The following FKBP8 variants were observed in gnomAD, a reference collection of about 807,000 sequenced individuals.
FKBP8 encodes the protein peptidyl-prolyl cis-trans isomerase FKBP8.
Under a neutral mutation model 41.7 loss-of-function variants are expected in FKBP8, and 5 were observed. The ratio of observed to expected loss-of-function variants is 0.12; its 90% confidence interval spans 0.06 to 0.25. FKBP8 has a LOEUF of 0.25. Among genes scored for constraint, FKBP8 ranks in the 10% least tolerant of loss-of-function variants. FKBP8 has a pLI of 1.00. For synonymous variants in FKBP8, 279 were observed against 254.5 expected (o/e 1.10, Z -0.92); for missense variants, 397 against 563.0 (o/e 0.71, Z 2.98).
intron 2 of FKBP8, among the ~76,000 whole-genome samples, chr19:18,541,001 AATG>A (rs1234543487): frequency 1.3e-5 from 2 of 152,204 alleles, no homozygotes; most frequent in African/African-American, 4.8e-5. Flanking sequence ...TGATAGTGGT[AATG>A]ATATCTTATT....
At chr19:18,532,637 C>T (rs1195013381) in intron 8 of FKBP8, 27 bp downstream of exon 8, 1 of 1,611,964 alleles carries the variant, frequency 6.2e-7, no homozygotes. Context: ...TGCACACAGC[C>T]CCTGCCCATT....
At chr19:18,532,292 A>G in intron 8 of FKBP8, 37 bp from the exon 9 acceptor site, 1 of 1,556,668 alleles carries the variant, frequency 6.4e-7, no homozygotes, top group Non-Finnish European at 8.7e-7. Context: ...GGGTGGAGGG[A>G]GGTCAAGACT....
In FKBP8 at chr19:18,537,430, ATTG is replaced by A. The variant is rs899184707; in HGVS notation, c.945+168_945+170del. 1.1e-4 allele frequency among the ~76,000 whole-genome samples: 17 copies of A among 152,180 alleles called. No homozygotes were observed. Among genetic ancestry groups the A allele is most frequent in the Admixed American group, 9.2e-4 (14 of 15,274 alleles). ...ATCAAATTCTGGCCTCAGCCAATGA[ATTG>A]TTGTGACCAGGCCACACTCCTGCAC... On this transcript the variant is annotated intron_variant, in intron 6 of 8. Transcript: ENST00000608443. The surrounding 1 kb of genome is among the most constrained non-coding windows in gnomAD (Gnocchi z 4.4).
chr19:18,541,612 G>A, intron 2 of FKBP8, 67 bp downstream of exon 2: 1 of 1,541,918 alleles, frequency 6.5e-7, no homozygotes, highest in South Asian at 1.3e-5. Context: ...AGCACAGATG[G>A]GGAAATGAGG....
rs1029266225 is a variant in FKBP8 at position 18,532,086 on chromosome 19, G to A, written c.*83C>T. On this transcript the variant is annotated 3_prime_UTR_variant, in exon 9 of 9. Coordinates refer to ENST00000608443, the MANE Select transcript of FKBP8 (RefSeq NM_012181.5). ...GGAGGAGGGGGCCAGACCAGGGAGG[G>A]CAGTGGACAGGGAGCCTGGGGGAGT... 82 of 1,215,698 alleles carry A rather than the reference G, an allele frequency of 6.7e-5. No individual in the cohort carries two copies. Among genetic ancestry groups the A allele is most frequent in the Non-Finnish European group, 9.6e-5 (81 of 843,704 alleles). The allele number at this position is 1,215,698 out of a possible 1,614,324, so 75.3% of individuals were successfully genotyped here. A position where few individuals can be genotyped will look rare whatever the true frequency, so the allele number is the denominator to read the frequency against.
chr19:18,538,774 A>G lies in FKBP8; in HGVS notation c.552-338T>C, dbSNP rs1351766544. Among the ~76,000 whole-genome samples, 1 of 146,168 alleles carries G rather than the reference A, an allele frequency of 6.8e-6. No homozygotes were observed. The highest frequency in any genetic ancestry group is 2.0e-4 in the East Asian group (1 of 5,000). Reference sequence around the variant, plus strand: ...GTGATCCTCCTGCCTGAGCCTCCTCAGTAGCTGGGACTACAGGTGTGCACC... The same window carrying G: ...GTGATCCTCCTGCCTGAGCCTCCTCGGTAGCTGGGACTACAGGTGTGCACC... On this transcript the variant is annotated intron_variant, in intron 4 of 8. Transcript: ENST00000608443. This position sits in a 1 kb window ranked among gnomAD's most constrained non-coding sequence, Gnocchi z 4.0.
At chr19:18,542,847 G>C in intron 1 of FKBP8, 1 of 1,216,564 alleles carries the variant, frequency 8.2e-7, no homozygotes, top group Non-Finnish European at 1.1e-6. Flanking sequence ...GTGTGGCACA[G>C]CCATCAAACC....
chr19:18,538,281 G>T lies in FKBP8; in HGVS notation c.707C>A (p.Ala236Glu), dbSNP rs763448432. The change falls in exon 5 of 9, where the codon GCG (alanine) becomes GAG (glutamate). Residue 236 changes from alanine to glutamate, a missense_variant. By Grantham distance (107) the Ala-to-Glu change is moderately radical (BLOSUM62 -1). Coordinates refer to ENST00000608443, the MANE Select transcript of FKBP8 (RefSeq NM_012181.5). This position sits in a 1 kb window ranked among gnomAD's most constrained non-coding sequence, Gnocchi z 4.0. ...GGAGTTGGCGGCCAGGACGAAGTCC[G>T]CCCGCTGGTAGTGGGCGTTGCCGCA... The part of the protein sequence containing the change: ...RECGNAHYQR[A>E]DFVLAANSYD... The T allele has an allele frequency of 2.5e-6, 4 of 1,613,314 alleles. No homozygotes were observed. In the Admixed American group the frequency reaches 5.0e-5, roughly 20 times the overall value.
chr19:18,537,996 C>G lies in FKBP8; in HGVS notation c.772+220G>C, dbSNP rs1355030242. ...CATGTGAACTGGCCCTGTCTATGGT[C>G]ACCCCATCCCCATATCCACTTGCAT... is the stretch of plus-strand genomic sequence containing the variant. On this transcript the variant is annotated intron_variant, in intron 5 of 8. Coordinates refer to ENST00000608443, the MANE Select transcript of FKBP8 (RefSeq NM_012181.5). The surrounding 1 kb of genome is among the most constrained non-coding windows in gnomAD (Gnocchi z 4.4). The G allele has an allele frequency of 9.0e-6, 6 of 669,368 alleles. No individual in the cohort carries two copies. The highest frequency in any genetic ancestry group is 3.0e-5 in the Admixed American group (1 of 33,822). 41.5% of individuals were successfully genotyped at this position (669,368 alleles called of 1,614,324 possible).
In FKBP8 at chr19:18,534,041, C is replaced by T. The variant is rs543343053; in HGVS notation, c.946-694G>A. ...AAAAAAAAGGCTGGGCGCGGTGGCT[C>T]ACACCTGTAATCCCAGCACTTTGGG... On this transcript the variant is annotated intron_variant, in intron 6 of 8. Transcript: ENST00000608443. Among the ~76,000 whole-genome samples the T allele has an allele frequency of 2.0e-4, 29 of 147,408 alleles. No homozygotes were observed. The South Asian group carries it at 2.6e-3, about 13-fold the overall frequency.
Position 18,537,098 on chromosome 19 carries a change from G to C in FKBP8, c.945+503C>G, listed in dbSNP as rs1003361387. 6.6e-6 allele frequency among the ~76,000 whole-genome samples: 1 copy of C among 152,098 alleles called. No individual in the cohort carries two copies. The highest frequency in any genetic ancestry group is 1.5e-5 in the Non-Finnish European group (1 of 68,010). ...TCAGGCCTGTAATCTCAGCACATGG[G>C]GAGACTGAGGCGGGCAGATCACTTG... On this transcript the variant is annotated intron_variant, in intron 6 of 8. Transcript: ENST00000608443. This position sits in a 1 kb window ranked among gnomAD's most constrained non-coding sequence, Gnocchi z 4.4.
In FKBP8 at chr19:18,532,204, C is replaced by A; in HGVS notation, c.1207G>T (p.Val403Leu). ...FGATAVALGG[V>L]ALSVVIAARN ...GCAGCGATGACCACAGAGAGTGCCA[C>A]ACCCCCCAAGGCAACAGCAGTCGCC... is the stretch of plus-strand genomic sequence containing the variant. The change falls in exon 9 of 9, where the codon GTG becomes TTG. Residue 403 changes from valine (V) to leucine (L), a missense_variant. Val to Leu is a conservative substitution (Grantham distance 32, BLOSUM62 1). Coordinates refer to ENST00000608443, the MANE Select transcript of FKBP8 (RefSeq NM_012181.5). 6.2e-7 allele frequency: 1 copy of A among 1,609,582 alleles called. No individual in the cohort carries two copies. The highest frequency in any genetic ancestry group is 8.5e-7 in the Non-Finnish European group (1 of 1,178,410).
rs987521880 is a variant in FKBP8 at position 18,531,851 on chromosome 19, G to T, written c.*318C>A. ...GGGTGGGGGGCTGGCACTCAGGCGGGGACTAGGCAGGGGAAGGGCTGCCCC... is the reference window on the plus strand; with the variant it reads ...GGGTGGGGGGCTGGCACTCAGGCGGTGACTAGGCAGGGGAAGGGCTGCCCC... On this transcript the variant is annotated 3_prime_UTR_variant, in exon 9 of 9. Coordinates refer to ENST00000608443, the MANE Select transcript of FKBP8 (RefSeq NM_012181.5). The T allele has an allele frequency of 2.3e-5, 8 of 351,196 alleles. No individual in the cohort carries two copies. Among genetic ancestry groups the T allele is most frequent in the Admixed American group, 3.9e-5 (1 of 25,654 alleles). The allele number at this position is 351,196 out of a possible 1,614,324, so 21.8% of individuals were successfully genotyped here.
Position 18,532,182 on chromosome 19 carries a change from G to T in FKBP8, c.1229C>A (p.Ala410Asp). The change falls in exon 9 of 9, where the codon GCT (alanine) becomes GAT (aspartate). Residue 410 changes from alanine to aspartate, a missense_variant. Physicochemically the swap from Ala to Asp is moderately radical, Grantham distance 126. This residue lies in a region of FKBP8 where 225 missense variants were observed against 366.8 expected (regional missense o/e 0.61). Coordinates refer to ENST00000608443, the MANE Select transcript of FKBP8 (RefSeq NM_012181.5). ...CCACCTAGGTGGTCAGTTCCTGGCA[G>T]CGATGACCACAGAGAGTGCCACACC... is the stretch of plus-strand genomic sequence containing the variant. ...LGGVALSVVI[A>D]ARN 1 of 1,605,832 alleles carries T rather than the reference G, an allele frequency of 6.2e-7. No individual in the cohort carries two copies. Among genetic ancestry groups the T allele is most frequent in the Non-Finnish European group, 8.5e-7 (1 of 1,176,836 alleles).
chr19:18,543,007 C>T (rs1976744494), intron 1 of FKBP8: 1 of 796,174 alleles, frequency 1.3e-6, no homozygotes, highest in Non-Finnish European at 1.7e-6. Flanking sequence ...CAACCACCAC[C>T]GCCCCCAGCA....
rs1976634201 is a variant in FKBP8 at position 18,538,626 on chromosome 19, G to A, written c.552-190C>T. Among the ~76,000 whole-genome samples, 2 of 152,116 alleles carry A rather than the reference G, an allele frequency of 1.3e-5. No homozygotes were observed. Among genetic ancestry groups the A allele is most frequent in the Non-Finnish European group, 2.9e-5 (2 of 68,028 alleles). ...TGGAGCTGCGGGACTTGACGAACGA[G>A]TTCCCCTCCCTAAGCCTCGGTTTTC... On this transcript the variant is annotated intron_variant, in intron 4 of 8. Transcript: ENST00000608443. This position sits in a 1 kb window ranked among gnomAD's most constrained non-coding sequence, Gnocchi z 4.0.
At chr19:18,539,307 GTACACCCAC>G in intron 4 of FKBP8, 55 bp downstream of exon 4, 1 of 1,437,002 alleles carries the variant, frequency 7.0e-7, no homozygotes, top group East Asian at 2.3e-5. Flanking sequence ...GAGCCGAGGG[GTACACCCAC>G]TCCACCCATC....
chr19:18,540,803 C>T (rs138532549), intron 2 of FKBP8, among the ~76,000 whole-genome samples: 59 of 150,672 alleles, frequency 3.9e-4, no homozygotes, highest in African/African-American at 1.4e-3. Context: ...ACCTGGGAGG[C>T]GGAGGTTGCA....
chr19:18,541,995 C>A lies in FKBP8; in HGVS notation c.-25G>T. 6 of 1,606,526 alleles carry A rather than the reference C, an allele frequency of 3.7e-6. No homozygotes were observed. Among genetic ancestry groups the A allele is most frequent in the Non-Finnish European group, 5.1e-6 (6 of 1,175,682 alleles). On this transcript the variant is annotated splice_region_variant and 5_prime_UTR_variant, in exon 2 of 9. Coordinates refer to ENST00000608443, the MANE Select transcript of FKBP8 (RefSeq NM_012181.5). ...TGCTGCTGGGGGGACAGGAATTGGCCCTGGAAGTGGGGGGCAGAGATGTGG... is the reference window on the plus strand; with the variant it reads ...TGCTGCTGGGGGGACAGGAATTGGCACTGGAAGTGGGGGGCAGAGATGTGG...
Sources: gnomAD v4.1 joint callset for allele counts (sites outside exome capture counted in the v4.1 genomes callset) on GRCh38, gnomAD v4.1.1 for gene constraint, gnomAD v4.1.1 regional missense constraint, Gnocchi (gnomAD v3.1) non-coding constraint, MANE v1.5 for transcripts, NCBI Gene and HGNC (gene_info 2026-07-23, HGNC 2026-07-21) for gene names.